Variants in LRRC4C observed in about 807,000 individuals in gnomAD.
LRRC4C encodes leucine rich repeat containing 4C.
LRRC4C carries 5 observed loss-of-function variants against 33.6 expected under a neutral mutation model. That is an observed-to-expected ratio of 0.15 (90% CI 0.08 to 0.31). The LOEUF (loss-of-function observed/expected upper bound fraction) is 0.31, where lower values mean the gene tolerates loss of function less well. Among genes scored for constraint, LRRC4C ranks in the 10% least tolerant of loss-of-function variants. LRRC4C has a pLI of 1.00. For synonymous variants in LRRC4C, 329 were observed against 302.0 expected, an observed-to-expected ratio of 1.09 and a Z score of -0.93; for missense variants, 560 against 796.7, an observed-to-expected ratio of 0.70 and a Z score of 3.58.
chr11:40,247,555 A>C (rs1216598289), intron 4 of LRRC4C, among the ~76,000 whole-genome samples: 1 of 152,232 alleles, frequency 6.6e-6, no homozygotes, highest in Non-Finnish European at 1.5e-5. Flanking sequence ...TCTATCACTT[A>C]TCAAAAATCA....
At chr11:41,419,193 C>A (rs564677174) in intron 1 of LRRC4C, among the ~76,000 whole-genome samples, 1 of 151,804 alleles carries the variant, frequency 6.6e-6, no homozygotes, top group Non-Finnish European at 1.5e-5. Context: ...TAAGAGGTTG[C>A]GCCTCAAAAT....
chr11:41,014,454 T>C (rs1216690594), intron 1 of LRRC4C, among the ~76,000 whole-genome samples: 1 of 151,606 alleles, frequency 6.6e-6, no homozygotes, highest in East Asian at 1.9e-4. Flanking sequence ...ATGTGTGTTG[T>C]TGATCACAGT....
At chr11:41,320,046 A>T (rs1950912321) in intron 1 of LRRC4C, among the ~76,000 whole-genome samples, 1 of 152,222 alleles carries the variant, frequency 6.6e-6, no homozygotes. Context: ...ACAGATATAA[A>T]AAAGTATAGA....
rs958234553 is a variant in LRRC4C at position 40,370,562 on chromosome 11, C to A, written c.-269-50841G>T. Among the ~76,000 whole-genome samples, 6 of 152,176 alleles carry A rather than the reference C, an allele frequency of 3.9e-5. No individual in the cohort carries two copies. In the East Asian group the frequency reaches 1.2e-3, roughly 29 times the overall value. On this transcript the variant is annotated intron_variant, in intron 3 of 6. Coordinates refer to ENST00000528697, the MANE Select transcript of LRRC4C (RefSeq NM_001258419.2). ...TGTATGCACTGAGAATAGCAAGGCC[C>A]GCAAATCCAACCTATCAAGACCCAG... is the stretch of plus-strand genomic sequence containing the variant.
chr11:40,342,886 C>T (rs890300928), intron 3 of LRRC4C, among the ~76,000 whole-genome samples: 1 of 152,074 alleles, frequency 6.6e-6, no homozygotes, highest in African/African-American at 2.4e-5. Flanking sequence ...ATATATTTAT[C>T]TATTCATTCA....
chr11:40,187,117 G>T (rs1371566665), intron 5 of LRRC4C, among the ~76,000 whole-genome samples: 1 of 152,132 alleles, frequency 6.6e-6, no homozygotes, highest in Non-Finnish European at 1.5e-5. Context: ...AAATAAAATA[G>T]AATAAATTTC....
intron 3 of LRRC4C, among the ~76,000 whole-genome samples, chr11:40,391,714 G>A (rs758544786): frequency 6.6e-6 from 1 of 152,140 alleles, no homozygotes; most frequent in East Asian, 1.9e-4. Flanking sequence ...ATGTTGATAA[G>A]TATTGTATTC....
chr11:41,293,580 A>T (rs985905244), intron 1 of LRRC4C, among the ~76,000 whole-genome samples: 3 of 151,556 alleles, frequency 2.0e-5, no homozygotes, highest in Non-Finnish European at 4.4e-5. Flanking sequence ...TTATTTTTTT[A>T]TTTTATTTTT....
rs539704897 is a variant in LRRC4C at position 40,402,845 on chromosome 11, C to A, written c.-269-83124G>T. ...GTCCTTTTACCTATAAAGAAACAGG[C>A]ATTTCAAAGAGATTATTTGTCCTAA... On this transcript the variant is annotated intron_variant, in intron 3 of 6. Transcript: ENST00000528697. Among the ~76,000 whole-genome samples the A allele has an allele frequency of 2.4e-4, 36 of 152,164 alleles. No individual in the cohort carries two copies. The Middle Eastern group carries it at 0.014, about 58-fold the overall frequency.
chr11:40,682,126 C>T (rs542061293), intron 2 of LRRC4C, among the ~76,000 whole-genome samples: 14 of 151,854 alleles, frequency 9.2e-5, no homozygotes, highest in East Asian at 1.9e-4. Flanking sequence ...AAAAATTAGC[C>T]GGGCATGGTG....
chr11:40,882,237 C>T (rs1955216613), intron 2 of LRRC4C, among the ~76,000 whole-genome samples: 1 of 152,038 alleles, frequency 6.6e-6, no homozygotes, highest in Non-Finnish European at 1.5e-5. Flanking sequence ...ACAATTTGCT[C>T]ATGTTATTTC....
chr11:41,137,609 G>A (rs995255132), intron 1 of LRRC4C, among the ~76,000 whole-genome samples: 7 of 152,132 alleles, frequency 4.6e-5, no homozygotes, highest in Admixed American at 6.5e-5. Flanking sequence ...TTAGTGGGTA[G>A]ACACTTTGAG....
intron 1 of LRRC4C, among the ~76,000 whole-genome samples, chr11:40,970,006 C>T (rs1233492155): frequency 6.6e-6 from 1 of 152,088 alleles, no homozygotes; most frequent in African/African-American, 2.4e-5. Flanking sequence ...GTTCCTGGCT[C>T]TCTGGTATCA....
chr11:40,550,401 A>G (rs932878122), intron 3 of LRRC4C, among the ~76,000 whole-genome samples: 2 of 152,186 alleles, frequency 1.3e-5, no homozygotes, highest in East Asian at 3.8e-4. Context: ...ACTAAAGATC[A>G]TATTTCTTTA....
At chr11:40,385,526 T>C (rs535095109) in intron 3 of LRRC4C, among the ~76,000 whole-genome samples, 66 of 152,138 alleles carry the variant, frequency 4.3e-4, no homozygotes, top group Non-Finnish European at 6.9e-4. Context: ...ACAACAGACA[T>C]TGAAGACTAC....
At chr11:40,663,406 C>A (rs1396794654) in intron 2 of LRRC4C, among the ~76,000 whole-genome samples, 2 of 152,156 alleles carry the variant, frequency 1.3e-5, no homozygotes, top group Non-Finnish European at 2.9e-5. Context: ...AATGTAAATT[C>A]TTCCTTTTGG....
At chr11:41,103,530 C>A (rs77594427) in intron 1 of LRRC4C, among the ~76,000 whole-genome samples, 1,722 of 150,682 alleles carry the variant, frequency 0.011, 44 homozygotes, top group African/African-American at 0.04. Flanking sequence ...TGCAACATAC[C>A]AACTGGTATA....
At chr11:41,037,574 T>TCACACACACACACACACACACACA (rs56234239) in intron 1 of LRRC4C, among the ~76,000 whole-genome samples, 4 of 148,862 alleles carry the variant, frequency 2.7e-5, no homozygotes, top group Non-Finnish European at 5.9e-5. Flanking sequence ...TCTTTTCCTT[T>TCACACACACACACACACACACACA]CACACACACA....
intron 4 of LRRC4C, among the ~76,000 whole-genome samples, chr11:40,303,926 T>G (rs1331492676): frequency 6.6e-6 from 1 of 152,210 alleles, no homozygotes; most frequent in Non-Finnish European, 1.5e-5. Flanking sequence ...ATAAACCAAT[T>G]GTCTTAAACC....
Sources: gnomAD v4.1 joint callset for allele counts (sites outside exome capture counted in the v4.1 genomes callset) on GRCh38, gnomAD v4.1.1 for gene constraint, MANE v1.5 for transcripts, NCBI Gene and HGNC (gene_info 2026-07-23, HGNC 2026-07-21) for gene names.